Variants in MTCL1 observed in about 807,000 individuals in gnomAD.
MTCL1 encodes microtubule cross-linking factor 1.
Under a neutral mutation model 141.4 loss-of-function variants are expected in MTCL1, and 79 were observed. The ratio of observed to expected loss-of-function variants is 0.56; its 90% confidence interval spans 0.47 to 0.67. The LOEUF (loss-of-function observed/expected upper bound fraction) is 0.67. Among genes scored for constraint, MTCL1 ranks in the 30% least tolerant of loss-of-function variants. MTCL1 has a pLI of 0.00. For synonymous variants in MTCL1, 914 were observed against 875.8 expected (o/e 1.04, Z -0.77); for missense variants, 2,177 against 2,113.9 (o/e 1.03, Z -0.59).
chr18:8,805,414 C>T (rs1458536175), intron 10 of MTCL1, among the ~76,000 whole-genome samples: 1 of 152,228 alleles, frequency 6.6e-6, no homozygotes, highest in Non-Finnish European at 1.5e-5. Flanking sequence ...CAGCTGCAAC[C>T]ATGTTGCTGC....
intron 4 of MTCL1, among the ~76,000 whole-genome samples, chr18:8,721,721 A>G (rs577719449): frequency 6.6e-6 from 1 of 150,802 alleles, no homozygotes; most frequent in Admixed American, 6.6e-5. Context: ...GTGTTCTGGG[A>G]CATTATTTGT....
intron 4 of MTCL1, among the ~76,000 whole-genome samples, chr18:8,766,453 G>C (rs1337902886): frequency 6.6e-6 from 1 of 152,206 alleles, no homozygotes; most frequent in Non-Finnish European, 1.5e-5. Context: ...CCCCAGTGGG[G>C]ACTTGCAGAC....
chr18:8,717,930 T>C (rs889479858), exon 2 of MTCL1: 13 of 998,176 alleles, frequency 1.3e-5, no homozygotes, highest in Non-Finnish European at 1.6e-5. Context: ...CTGAGATGCG[T>C]CTTGTGGAAC....
At chr18:8,745,298 T>G (rs988255622) in intron 4 of MTCL1, among the ~76,000 whole-genome samples, 2 of 152,216 alleles carry the variant, frequency 1.3e-5, no homozygotes, top group African/African-American at 4.8e-5. Flanking sequence ...TTTTTCTTGC[T>G]CTCCTTTACA....
intron 4 of MTCL1, among the ~76,000 whole-genome samples, chr18:8,776,942 A>T (rs1324386482): frequency 6.6e-6 from 1 of 152,030 alleles, no homozygotes; most frequent in Non-Finnish European, 1.5e-5. Flanking sequence ...TTTAAAAATT[A>T]TTTTTTGTGT....
At chr18:8,786,910 T>A (rs2096558271) in intron 7 of MTCL1, 1 of 158,368 alleles carries the variant, frequency 6.3e-6, no homozygotes, top group Non-Finnish European at 1.4e-5. Context: ...CTCTTTCTTC[T>A]TTGCCATGGG....
At chr18:8,826,353 T>C (rs1421194115) in intron 15 of MTCL1, 121 bp downstream of exon 14, 1 of 1,015,062 alleles carries the variant, frequency 9.9e-7, no homozygotes, top group Non-Finnish European at 1.4e-6. Flanking sequence ...TGATTGGTTA[T>C]TGGGAGCTGG....
At chr18:8,791,232 G>C (rs1269095654) in intron 7 of MTCL1, among the ~76,000 whole-genome samples, 1 of 152,186 alleles carries the variant, frequency 6.6e-6, no homozygotes, top group Non-Finnish European at 1.5e-5. Flanking sequence ...GCAGGGAGCA[G>C]GGAGGCAGCA....
intron 1 of MTCL1, chr18:8,717,804 C>A: frequency 2.8e-6 from 2 of 702,504 alleles, no homozygotes; most frequent in Non-Finnish European, 3.5e-6. Flanking sequence ...TTCCTGTGGA[C>A]AGCAAAGAGT....
chr18:8,759,793 G>C (rs2096420944), intron 4 of MTCL1, among the ~76,000 whole-genome samples: 1 of 152,106 alleles, frequency 6.6e-6, no homozygotes, highest in Non-Finnish European at 1.5e-5. Context: ...GCCAGATCTG[G>C]GTCTGCGGGG....
At chr18:8,718,363 A>G in intron 2 of MTCL1, 61 bp from the exon 2 acceptor site, 3 of 1,493,420 alleles carry the variant, frequency 2.0e-6, no homozygotes, top group South Asian at 2.3e-5. Context: ...TATGAAGGAG[A>G]GACATGCCAT....
rs8085873 is a variant in MTCL1, at chr18:8,796,366, G to A, written c.2145G>A (p.Lys715=). The change falls in exon 9 of 17, where the codon AAG becomes AAA. Residue 715 remains lysine (K), a synonymous_variant. Coordinates refer to ENST00000359865, the Ensembl canonical transcript of MTCL1. Reference sequence around the variant, plus strand: ...TGCAGCAGGAGCTCCGGTCCTTGAAGCAGAACATTTTCCTCTTCTACGTCA... The same window carrying A: ...TGCAGCAGGAGCTCCGGTCCTTGAAACAGAACATTTTCCTCTTCTACGTCA... 3,425 of 1,614,192 alleles carry A rather than the reference G, an allele frequency of 2.1e-3. 71 individuals carry two copies. In the African/African-American group the frequency reaches 0.04, roughly 19 times the overall value.
At chr18:8,745,787 G>C (rs1026152834) in intron 4 of MTCL1, among the ~76,000 whole-genome samples, 1 of 152,190 alleles carries the variant, frequency 6.6e-6, no homozygotes. Flanking sequence ...TTGCAGTGCA[G>C]TGGCATTAAG....
At chr18:8,813,404 C>T (rs2076551257) in intron 12 of MTCL1, among the ~76,000 whole-genome samples, 171 bp downstream of exon 11, 1 of 150,986 alleles carries the variant, frequency 6.6e-6, no homozygotes, top group African/African-American at 2.4e-5. Context: ...GACCAAGGCT[C>T]ATGCCTCTCC....
intron 10 of MTCL1, among the ~76,000 whole-genome samples, chr18:8,798,555 C>T (rs1429754023): frequency 2.0e-5 from 3 of 152,294 alleles, no homozygotes; most frequent in African/African-American, 4.8e-5. Flanking sequence ...ATCAATGCTG[C>T]GTGTCGCTGC....
exon 9 of MTCL1, chr18:8,796,413 A>C (rs1221054002): frequency 6.2e-7 from 1 of 1,614,052 alleles, no homozygotes; most frequent in Non-Finnish European, 8.5e-7. Context: ...CTGCTGAAAC[A>C]CTGGCGGCAA....
exon 15 of MTCL1, chr18:8,825,168 A>G: frequency 6.3e-7 from 1 of 1,580,896 alleles, no homozygotes; most frequent in Non-Finnish European, 8.6e-7. Flanking sequence ...AAGCAGAGCC[A>G]GAGGGAGCCC....
intron 4 of MTCL1, among the ~76,000 whole-genome samples, chr18:8,754,451 A>G (rs1253754981): frequency 6.6e-6 from 1 of 152,250 alleles, no homozygotes; most frequent in Non-Finnish European, 1.5e-5. Flanking sequence ...GCTTTTGGGA[A>G]TATGGAAGAA....
chr18:8,812,898 C>T, intron 11 of MTCL1, 81 bp from the exon 11 acceptor site: 2 of 1,500,524 alleles, frequency 1.3e-6, no homozygotes, highest in Non-Finnish European at 1.8e-6. Flanking sequence ...TTCCAGGGAT[C>T]ACATGTAAAT....
Sources: allele counts gnomAD v4.1 joint callset (sites outside exome capture counted in the v4.1 genomes callset), GRCh38; gene constraint gnomAD v4.1.1; transcripts MANE v1.5; gene names NCBI Gene and HGNC (gene_info 2026-07-23, HGNC 2026-07-21).